CCDC158: variants seen among roughly 807,000 people sequenced by gnomAD.
CCDC158 encodes coiled-coil domain containing 158, also known as coiled-coil domain-containing protein 158.
In CCDC158, 116 loss-of-function variants were observed where a neutral mutation model predicts 138.6. The ratio of observed to expected loss-of-function variants is 0.84; its 90% CI spans 0.72 to 0.98. The LOEUF (loss-of-function observed/expected upper bound fraction) is 0.98. Among genes scored for constraint, CCDC158 ranks in the 50% least tolerant of loss-of-function variants. The pLI is 0.00. For missense variants in CCDC158, 1,265 were observed against 1,306.1 expected (o/e 0.97, Z 0.48); for synonymous variants, 436 against 442.4 (o/e 0.99, Z 0.18).
At chr4:76,376,273 A>G (rs749094901) in intron 9 of CCDC158, among the ~76,000 whole-genome samples, 42 of 150,766 alleles carry the variant, frequency 2.8e-4, no homozygotes, top group Non-Finnish European at 4.6e-4. Context: ...TATGTTGCCC[A>G]GGCTTGTCTC....
intron 18 of CCDC158, among the ~76,000 whole-genome samples, chr4:76,340,124 C>T (rs1721912429): frequency 6.6e-6 from 1 of 152,194 alleles, no homozygotes; most frequent in African/African-American, 2.4e-5. Context: ...CAGGGGAGAA[C>T]AACAACTATG....
intron 18 of CCDC158, among the ~76,000 whole-genome samples, chr4:76,342,309 G>A (rs779119392): frequency 2.0e-5 from 3 of 152,106 alleles, no homozygotes; most frequent in Non-Finnish European, 2.9e-5. Flanking sequence ...ACAAAGTGTT[G>A]GAATTTCAAG....
intron 3 of CCDC158, among the ~76,000 whole-genome samples, chr4:76,402,339 G>A (rs2109863354): frequency 6.6e-6 from 1 of 152,284 alleles, no homozygotes; most frequent in Non-Finnish European, 1.5e-5. Context: ...GCTGGAGGCA[G>A]CAGAAGAGGG....
intron 10 of CCDC158, among the ~76,000 whole-genome samples, chr4:76,370,388 C>T (rs1250140079): frequency 6.6e-6 from 1 of 151,886 alleles, no homozygotes; most frequent in East Asian, 1.9e-4. Flanking sequence ...TGCACTGGGT[C>T]CGGGTAGAGA....
chr4:76,352,786 C>T (rs1723175068), intron 16 of CCDC158: 1 of 186,854 alleles, frequency 5.4e-6, no homozygotes, highest in East Asian at 1.4e-4. Context: ...GTACCCAAGT[C>T]ACTTTTTGGT....
intron 24 of CCDC158, among the ~76,000 whole-genome samples, chr4:76,318,288 T>A (rs1428935116): frequency 2.0e-5 from 3 of 152,032 alleles, no homozygotes; most frequent in African/African-American, 4.8e-5. Context: ...GAAAAGAAGA[T>A]AGAAGATCCA....
At chr4:76,377,967 G>A (rs1007659786) in intron 9 of CCDC158, among the ~76,000 whole-genome samples, 2 of 152,078 alleles carry the variant, frequency 1.3e-5, no homozygotes, top group African/African-American at 4.8e-5. Context: ...TATGAATCTT[G>A]CTTCAGTTGC....
intron 24 of CCDC158, among the ~76,000 whole-genome samples, chr4:76,316,487 A>G (rs1719399429): frequency 6.6e-6 from 1 of 152,156 alleles, no homozygotes; most frequent in Non-Finnish European, 1.5e-5. Context: ...CCAAAGAATA[A>G]TTGGTGTTCA....
At chr4:76,329,313 T>C (rs992238598) in intron 21 of CCDC158, among the ~76,000 whole-genome samples, 1 of 152,092 alleles carries the variant, frequency 6.6e-6, no homozygotes, top group African/African-American at 2.4e-5. Context: ...AGGTCGGGTG[T>C]GGTGGCTCAC....
intron 1 of CCDC158, among the ~76,000 whole-genome samples, chr4:76,413,404 G>A (rs1479503998): frequency 4.0e-5 from 6 of 151,056 alleles, no homozygotes; most frequent in Non-Finnish European, 8.8e-5. Context: ...CAGCCCAGGA[G>A]GTTGAGGCTG....
chr4:76,399,444 C>G (rs1250849087), intron 3 of CCDC158, among the ~76,000 whole-genome samples: 5 of 152,070 alleles, frequency 3.3e-5, no homozygotes, highest in Non-Finnish European at 7.4e-5. Context: ...ATATCCTGCA[C>G]ATGCATCCCA....
chr4:76,321,672 T>TTA (rs1001855138), intron 24 of CCDC158, among the ~76,000 whole-genome samples: 31 of 145,088 alleles, frequency 2.1e-4, no homozygotes, highest in South Asian at 6.4e-4. Context: ...ATGTATATTT[T>TTA]TATATATATA....
Position 76,351,702 on chromosome 4 carries a change from T to C in CCDC158, c.2538+18A>G, listed in dbSNP as rs752806941. 2.6e-6 allele frequency: 4 copies of C among 1,521,434 alleles called. No homozygotes were observed. The highest frequency in any genetic ancestry group is 3.6e-6 in the Non-Finnish European group (4 of 1,097,404). 94.2% of individuals were successfully genotyped at this position (1,521,434 alleles called of 1,614,324 possible). Reference sequence around the variant, plus strand: ...ACGGCATTATTTTCGCTTAAACTAATATTTATGATGACCTTACTTTTATAT... The same window carrying C: ...ACGGCATTATTTTCGCTTAAACTAACATTTATGATGACCTTACTTTTATAT... On this transcript the variant is annotated intron_variant, in intron 17 of 24. Transcript: ENST00000682701.
At chr4:76,401,358 A>C in intron 3 of CCDC158, 1 of 505,632 alleles carries the variant, frequency 2.0e-6, no homozygotes. Context: ...CTGTATGCCC[A>C]GAGAAAGCAG....
chr4:76,357,395 T>C lies in CCDC158; in HGVS notation c.2152A>G (p.Met718Val), dbSNP rs780485163. The change falls in exon 14 of 25, where the codon ATG becomes GTG. Residue 718 changes from methionine (M) to valine (V), a missense_variant. Transcript: ENST00000682701. Reference sequence around the variant, plus strand: ...ATACCATGACCATCAGATCCTTCCATTGACTTTAATGTATTTCTTGTCTGT... The same window carrying C: ...ATACCATGACCATCAGATCCTTCCACTGACTTTAATGTATTTCTTGTCTGT... Reference protein sequence around the residue: ...LEQTRNTLKSMEGSDGHAMKV... With the variant: ...LEQTRNTLKSVEGSDGHAMKV... The C allele has an allele frequency of 3.8e-6, 6 of 1,582,192 alleles. No homozygotes were observed. The highest frequency in any genetic ancestry group is 2.7e-5 in the African/African-American group (2 of 73,532).
Position 76,325,949 on chromosome 4 carries a change from T to G in CCDC158, c.3077A>C (p.His1026Pro), listed in dbSNP as rs1720489882. 1.2e-6 allele frequency: 2 copies of G among 1,613,344 alleles called. No individual in the cohort carries two copies. Among genetic ancestry groups the G allele is most frequent in the South Asian group, 1.1e-5 (1 of 91,072 alleles). ...TTCAACTGAACTAGTTAGGAGTGAG[T>G]GCACTGGAGACTTCTTAGGAGAAGA... ...FNSSPKKSPV[H>P]SLLTSSVEGS... Residue 1026 changes from histidine (H) to proline (P), a missense_variant, in exon 23 of 25, where the codon CAC becomes CCC. His to Pro is a moderately conservative substitution (Grantham distance 77). Coordinates refer to ENST00000682701, the MANE Select transcript of CCDC158 (RefSeq NM_001394954.1).
At chr4:76,391,021 T>G (rs1191721642) in intron 4 of CCDC158, among the ~76,000 whole-genome samples, 1 of 151,894 alleles carries the variant, frequency 6.6e-6, no homozygotes, top group Non-Finnish European at 1.5e-5. Flanking sequence ...TAAGCCTCAA[T>G]ACAACAATAG....
At chr4:76,397,791 GA>G (rs1484332028) in intron 3 of CCDC158, among the ~76,000 whole-genome samples, 1 of 152,202 alleles carries the variant, frequency 6.6e-6, no homozygotes, top group Non-Finnish European at 1.5e-5. Flanking sequence ...TTTAGCCACT[GA>G]AAGGTCCTAG....
At chr4:76,387,467 A>C (rs745337427) in intron 4 of CCDC158, among the ~76,000 whole-genome samples, 11 of 152,034 alleles carry the variant, frequency 7.2e-5, no homozygotes, top group Admixed American at 2.0e-4. Flanking sequence ...TAGGCAGATC[A>C]TTTGAGCTCA....
Sources: gnomAD v4.1 joint callset for allele counts (sites outside exome capture counted in the v4.1 genomes callset) on GRCh38, gnomAD v4.1.1 for gene constraint, MANE v1.5 for transcripts, NCBI Gene and HGNC (gene_info 2026-07-23, HGNC 2026-07-21) for gene names.